Variants in ZNF560 observed in about 807,000 individuals in gnomAD.
ZNF560 encodes the protein zinc finger protein 560.
ZNF560 carries 54 observed loss-of-function variants against 81.8 expected under a neutral mutation model. That is an observed-to-expected ratio of 0.66 (90% CI 0.53 to 0.83). ZNF560 has a LOEUF of 0.83. ZNF560 is among the 40% of genes least tolerant of loss of function. The probability of loss-of-function intolerance (pLI) is 0.00; values close to 1 mark genes in which losing one functional copy is unlikely to be tolerated. For synonymous variants in ZNF560, 321 were observed against 317.9 expected, an observed-to-expected ratio of 1.01 and a Z score of -0.10; for missense variants, 940 against 932.4, an observed-to-expected ratio of 1.01 and a Z score of -0.11.
the ZNF560 span, among the ~76,000 whole-genome samples, chr19:9,450,128 T>A: frequency 6.6e-6 from 1 of 151,430 alleles, no homozygotes; most frequent in Non-Finnish European, 1.5e-5. Flanking sequence ...CTGTCTCTAT[T>A]AAAAATACAA....
chr19:9,459,372 A>G, the ZNF560 span, among the ~76,000 whole-genome samples: 1 of 152,250 alleles, frequency 6.6e-6, no homozygotes, highest in African/African-American at 2.4e-5. Context: ...ACCCAATAAC[A>G]AAAGATTGGG....
At chr19:9,475,431 G>A (rs1052733346) in intron 2 of ZNF560, 62 bp from the exon 3 acceptor site, 5 of 946,332 alleles carry the variant, frequency 5.3e-6, no homozygotes, top group East Asian at 5.2e-5. Context: ...TCGCATGCAT[G>A]GAAGTTATTC....
In ZNF560 at chr19:9,467,544, G is replaced by A; in HGVS notation, c.1403C>T (p.Ala468Val). 9 of 1,614,088 alleles carry A rather than the reference G, an allele frequency of 5.6e-6. No homozygotes were observed. The highest frequency in any genetic ancestry group is 6.8e-6 in the Non-Finnish European group (8 of 1,180,012). ...AATAACACCTGAGGATGTACCAAAG[G>A]CCTTCCCATATTCCTTATGCTCATA... ...KPYEHKEYGK[A>V]FGTSSGVIED... The change falls in exon 10 of 10, where the codon GCC becomes GTC. Residue 468 changes from alanine to valine, a missense_variant. Ala to Val is a moderately conservative substitution (Grantham distance 64, BLOSUM62 0). Coordinates refer to ENST00000301480, the MANE Select transcript of ZNF560 (RefSeq NM_152476.3).
chr19:9,495,437 A>G (rs1012255546), intron 2 of ZNF560, among the ~76,000 whole-genome samples: 1 of 152,192 alleles, frequency 6.6e-6, no homozygotes, highest in African/African-American at 2.4e-5. Context: ...CCACAGTAGT[A>G]GCTCACGGCT....
Position 9,471,341 on chromosome 19 carries a change from C to A in ZNF560, c.276G>T (p.Leu92=). The A allele has an allele frequency of 3.1e-6, 5 of 1,597,546 alleles. No individual in the cohort carries two copies. Among genetic ancestry groups the A allele is most frequent in the Non-Finnish European group, 4.3e-6 (5 of 1,173,512 alleles). Reference sequence around the variant, plus strand: ...TTTGTATTTTCCAAAACTCCTGCTGCAGTGCTGAAACACTGGTTTGATGTT... The same window carrying A: ...TTTGTATTTTCCAAAACTCCTGCTGAAGTGCTGAAACACTGGTTTGATGTT... The part of the protein sequence containing the change: ...AIKHQTSVSA[L]QQEFWKIQTS... Residue 92 remains leucine, a synonymous_variant, in exon 6 of 10, where the codon CTG becomes CTT. Transcript: ENST00000301480.
chr19:9,465,087 T>A (rs1274485043), downstream of ZNF560, among the ~76,000 whole-genome samples: 6 of 152,096 alleles, frequency 3.9e-5, no homozygotes, highest in Non-Finnish European at 7.4e-5. Context: ...AAAAAGGGTT[T>A]ATCTCCATTC....
the ZNF560 span, among the ~76,000 whole-genome samples, chr19:9,449,696 CAG>C: frequency 6.6e-6 from 1 of 152,150 alleles, no homozygotes; most frequent in Non-Finnish European, 1.5e-5. Context: ...AGGCTGGGCA[CAG>C]TGGCTCATGC....
At chr19:9,484,118 C>A (rs910809129) in intron 2 of ZNF560, among the ~76,000 whole-genome samples, 1 of 152,178 alleles carries the variant, frequency 6.6e-6, no homozygotes, top group African/African-American at 2.4e-5. Context: ...GTCATCACCA[C>A]TCCCTAATCT....
chr19:9,482,109 T>C (rs922814910), intron 2 of ZNF560, among the ~76,000 whole-genome samples: 1 of 151,908 alleles, frequency 6.6e-6, no homozygotes, highest in African/African-American at 2.4e-5. Context: ...AAAGGATGAG[T>C]TCATGTCCTT....
At chr19:9,458,400 T>C in the ZNF560 span, among the ~76,000 whole-genome samples, 1 of 152,224 alleles carries the variant, frequency 6.6e-6, no homozygotes, top group African/African-American at 2.4e-5. Context: ...GATTGAAAGG[T>C]AAAGTTTTTC....
At chr19:9,485,163 T>G (rs576317244) in intron 2 of ZNF560, among the ~76,000 whole-genome samples, 1 of 152,300 alleles carries the variant, frequency 6.6e-6, no homozygotes, top group Admixed American at 6.5e-5. Flanking sequence ...ATAAGACATC[T>G]AAGAATATCT....
At chr19:9,445,891 C>T in the ZNF560 span, among the ~76,000 whole-genome samples, 6,906 of 152,186 alleles carry the variant, frequency 0.045, 534 homozygotes, top group African/African-American at 0.16. Flanking sequence ...CTAGACTACA[C>T]AGAAGGTCAT....
the ZNF560 span, among the ~76,000 whole-genome samples, chr19:9,446,365 T>TACAC: frequency 0.079 from 11,502 of 144,976 alleles, 539 homozygotes; most frequent in Admixed American, 0.15. Context: ...TGCCAAGTCA[T>TACAC]ACACACACAC....
chr19:9,447,518 T>G, the ZNF560 span, among the ~76,000 whole-genome samples: 1 of 151,954 alleles, frequency 6.6e-6, no homozygotes, highest in Admixed American at 6.6e-5. Context: ...ATAAACATCT[T>G]AAGAAGTAAT....
rs555155392 is a variant in ZNF560, at chr19:9,467,405, C to A, written c.1542G>T (p.Lys514Asn). ...TCCCACATTTGTAACACTTAAAGGGCTTCTCACCAGTGTGAGTTCTCAAAT... is the reference window on the plus strand; with the variant it reads ...TCCCACATTTGTAACACTTAAAGGGATTCTCACCAGTGTGAGTTCTCAAAT... ...FAHLRTHTGE[K>N]PFKCYKCGKP... Residue 514 changes from lysine to asparagine, a missense_variant, in exon 10 of 10, where the codon AAG (lysine) becomes AAT (asparagine). By Grantham distance (94) the Lys-to-Asn change is moderately conservative. Coordinates refer to ENST00000301480, the MANE Select transcript of ZNF560 (RefSeq NM_152476.3). 9.9e-6 allele frequency: 16 copies of A among 1,613,896 alleles called. No homozygotes were observed. The highest frequency in any genetic ancestry group is 1.3e-5 in the Non-Finnish European group (15 of 1,180,008).
At chr19:9,462,629 T>C (rs2072951046), downstream of ZNF560, among the ~76,000 whole-genome samples, 4 of 152,032 alleles carry the variant, frequency 2.6e-5, no homozygotes, top group Admixed American at 1.3e-4. Context: ...ATAATATTTT[T>C]AAAAAATCTT....
chr19:9,446,819 C>A, the ZNF560 span, among the ~76,000 whole-genome samples: 7,293 of 152,080 alleles, frequency 0.048, 605 homozygotes, highest in African/African-American at 0.17. Flanking sequence ...AGATGAGTCC[C>A]TTCAAAGGGG....
intron 2 of ZNF560, among the ~76,000 whole-genome samples, chr19:9,489,527 T>C (rs10401998): frequency 0.15 from 22,829 of 151,924 alleles, 2,556 homozygotes; most frequent in African/African-American, 0.31. Flanking sequence ...GACAGGGCGG[T>C]GGCCAGGCAG....
chr19:9,455,390 A>G, the ZNF560 span, among the ~76,000 whole-genome samples: 2 of 152,342 alleles, frequency 1.3e-5, no homozygotes, highest in East Asian at 1.9e-4. Flanking sequence ...TGAAGCTTCT[A>G]TTCAAGCTGC....
Sources: gnomAD v4.1 joint callset for allele counts (sites outside exome capture counted in the v4.1 genomes callset) on GRCh38, gnomAD v4.1.1 for gene constraint, MANE v1.5 for transcripts, NCBI Gene and HGNC (gene_info 2026-07-23, HGNC 2026-07-21) for gene names.